Variants in POU6F2 observed in about 807,000 individuals in gnomAD.
POU6F2 encodes POU class 6 homeobox 2.
In POU6F2, 31 loss-of-function variants were observed where a neutral mutation model predicts 71.3. The observed-to-expected ratio is 0.43, with a 90% CI of 0.33 to 0.59. The LOEUF is 0.59. Ranked by LOEUF, POU6F2 falls within the 20% of genes least tolerant of loss-of-function variation. The probability of loss-of-function intolerance (pLI) is 0.04; values close to 1 mark genes in which losing one functional copy is unlikely to be tolerated. For missense variants in POU6F2, 783 were observed against 856.8 expected (o/e 0.91, Z 1.07); for synonymous variants, 347 against 355.7 (o/e 0.98, Z 0.27).
chr7:39,266,910 G>A (rs1435722833), intron 4 of POU6F2, among the ~76,000 whole-genome samples: 2 of 151,920 alleles, frequency 1.3e-5, no homozygotes, highest in Admixed American at 6.6e-5. Context: ...GTTAACCATA[G>A]TCACCCTACT....
chr7:39,205,619 A>G (rs1490173744), intron 3 of POU6F2, among the ~76,000 whole-genome samples: 2 of 152,240 alleles, frequency 1.3e-5, no homozygotes, highest in African/African-American at 4.8e-5. Context: ...GGGCCAGCAT[A>G]TAATTTTGTA....
chr7:39,230,417 G>A (rs1443285275), intron 4 of POU6F2, among the ~76,000 whole-genome samples: 1 of 151,888 alleles, frequency 6.6e-6, no homozygotes, highest in Non-Finnish European at 1.5e-5. Flanking sequence ...CCAGGAATTC[G>A]AGGCTGCAGT....
At chr7:39,070,749 T>G (rs756230401) in intron 1 of POU6F2, among the ~76,000 whole-genome samples, 18 of 152,208 alleles carry the variant, frequency 1.2e-4, no homozygotes, top group Non-Finnish European at 2.2e-4. Flanking sequence ...CTGATCGCCT[T>G]ATGTAAGTTA....
At chr7:39,228,226 T>C (rs1177472805) in intron 4 of POU6F2, among the ~76,000 whole-genome samples, 2 of 152,230 alleles carry the variant, frequency 1.3e-5, no homozygotes, top group Admixed American at 1.3e-4. Flanking sequence ...ATTGTTTTTG[T>C]GTAGGTTTGA....
intron 2 of POU6F2, among the ~76,000 whole-genome samples, chr7:39,122,999 C>A (rs1346717422): frequency 6.6e-6 from 1 of 152,080 alleles, no homozygotes; most frequent in South Asian, 2.1e-4. Flanking sequence ...GATATGGATG[C>A]CTCTTAACAT....
At chr7:39,131,447 G>T (rs1792277246) in intron 2 of POU6F2, among the ~76,000 whole-genome samples, 1 of 152,190 alleles carries the variant, frequency 6.6e-6, no homozygotes, top group Non-Finnish European at 1.5e-5. Context: ...GGACTTTGGC[G>T]GTGGCACGCT....
intron 2 of POU6F2, among the ~76,000 whole-genome samples, chr7:39,176,264 G>A (rs1793326931): frequency 6.6e-6 from 1 of 152,148 alleles, no homozygotes; most frequent in African/African-American, 2.4e-5. Context: ...CTCTTTGTCA[G>A]AGAGAATGAG....
chr7:39,322,021 A>G (rs1562789749), intron 4 of POU6F2, among the ~76,000 whole-genome samples: 1 of 152,162 alleles, frequency 6.6e-6, no homozygotes, highest in Admixed American at 6.5e-5. Context: ...TCTTGCCGTA[A>G]AACTCAAATT....
rs531849895 is a variant in POU6F2 at position 39,264,452 on chromosome 7, T to A, written c.598+56832T>A. On this transcript the variant is annotated intron_variant, in intron 4 of 9. Transcript: ENST00000518318. ...ACCATTCTGACTGCAAGAGTGGGAT[T>A]GTGGCCCCAAGATTATTTCCTGAGT... Among the ~76,000 whole-genome samples, 16 of 152,298 alleles carry A rather than the reference T, an allele frequency of 1.1e-4. No homozygotes were observed. In the South Asian group the frequency reaches 3.3e-3, roughly 32 times the overall value.
At chr7:38,993,398 G>A (rs1215295076) in intron 1 of POU6F2, among the ~76,000 whole-genome samples, 1 of 151,966 alleles carries the variant, frequency 6.6e-6, no homozygotes, top group Admixed American at 6.6e-5. Flanking sequence ...CATGCATAAC[G>A]GTTATAATTT....
intron 1 of POU6F2, among the ~76,000 whole-genome samples, chr7:38,978,842 G>A (rs541284158): frequency 6.6e-6 from 1 of 152,288 alleles, no homozygotes; most frequent in South Asian, 2.1e-4. Flanking sequence ...TGTCGTCTTT[G>A]TCTTCCAAAT....
At chr7:39,428,903 G>C (rs1331822463) in intron 6 of POU6F2, among the ~76,000 whole-genome samples, 2 of 137,616 alleles carry the variant, frequency 1.5e-5, no homozygotes, top group Non-Finnish European at 3.0e-5. Flanking sequence ...TCATAGGTGG[G>C]AATTGAACAA....
At chr7:39,419,876 A>G (rs73386479) in intron 6 of POU6F2, among the ~76,000 whole-genome samples, 3,909 of 152,312 alleles carry the variant, frequency 0.026, 145 homozygotes, top group African/African-American at 0.088. Context: ...AACAGGCTAG[A>G]TGATGCCTAG....
At chr7:39,342,819 T>A (rs887397677) in intron 5 of POU6F2, among the ~76,000 whole-genome samples, 2 of 152,222 alleles carry the variant, frequency 1.3e-5, no homozygotes, top group Non-Finnish European at 2.9e-5. Flanking sequence ...TATTGCAGTG[T>A]AATTTTATTT....
chr7:39,048,590 A>G (rs1431346215), intron 1 of POU6F2, among the ~76,000 whole-genome samples: 1 of 151,884 alleles, frequency 6.6e-6, no homozygotes, highest in Non-Finnish European at 1.5e-5. Context: ...TCTACCGTTG[A>G]TGGGCATCTA....
chr7:39,459,468 G>A (rs1176931362), intron 8 of POU6F2, among the ~76,000 whole-genome samples: 1 of 151,646 alleles, frequency 6.6e-6, no homozygotes, highest in Non-Finnish European at 1.5e-5. Context: ...GTTTTGTTTT[G>A]TTTTGTTTTG....
intron 4 of POU6F2, among the ~76,000 whole-genome samples, chr7:39,276,745 C>T (rs200047491): frequency 0.49 from 73,621 of 151,434 alleles, 19,491 homozygotes; most frequent in East Asian, 0.68. Context: ...AGTTCATGTC[C>T]TTTGTAGGGA....
intron 5 of POU6F2, among the ~76,000 whole-genome samples, chr7:39,393,024 T>C (rs1049625139): frequency 6.6e-6 from 1 of 152,244 alleles, no homozygotes; most frequent in Non-Finnish European, 1.5e-5. Context: ...TTAAGCTTTA[T>C]GTTTTTAAAC....
intron 2 of POU6F2, among the ~76,000 whole-genome samples, chr7:39,124,586 T>C (rs1792108216): frequency 6.6e-6 from 1 of 152,226 alleles, no homozygotes; most frequent in South Asian, 2.1e-4. Flanking sequence ...ATTCTCCTCC[T>C]ACCGGGGGCT....
Sources: gnomAD v4.1 joint callset for allele counts (sites outside exome capture counted in the v4.1 genomes callset) on GRCh38, gnomAD v4.1.1 for gene constraint, MANE v1.5 for transcripts, NCBI Gene and HGNC (gene_info 2026-07-23, HGNC 2026-07-21) for gene names.